The following MAGED2 variants were observed in gnomAD, a reference collection of about 807,000 sequenced individuals.
MAGED2 encodes the protein MAGE family member D2, also known as melanoma-associated antigen D2.
Under a neutral mutation model 41.7 loss-of-function variants are expected in MAGED2, and 6 were observed. The ratio of observed to expected loss-of-function variants is 0.14; its 90% CI spans 0.08 to 0.28. The LOEUF (loss-of-function observed/expected upper bound fraction) is 0.28, where lower values mean the gene tolerates loss of function less well. Among genes scored for constraint, MAGED2 ranks in the 10% least tolerant of loss-of-function variants. The pLI is 1.00. For synonymous variants in MAGED2, 146 were observed against 178.2 expected (o/e 0.82, Z 1.44); for missense variants, 343 against 486.4 (o/e 0.71, Z 2.77).
At position 54,811,109 on chromosome X, in the gene MAGED2, G is replaced by C; in HGVS notation, c.826G>C (p.Val276Leu). The stretch of plus-strand genomic sequence containing the variant: ...GCCTGAAGCACCACCACCTCGGGAT[G>C]TGGCCCTTTTGCAAGGGAGGGTAAG... ...QEPEAPPPRDVALLQGRANDL... is the reference protein window; with the variant it reads ...QEPEAPPPRDLALLQGRANDL... Residue 276 changes from valine to leucine, a missense_variant, in exon 4 of 13, where the codon GTG (valine) becomes CTG (leucine). This residue lies in a region of MAGED2 where 195 missense variants were observed against 221.2 expected (regional missense o/e 0.88). Transcript: ENST00000375068. 1.7e-6 allele frequency: 2 copies of C among 1,196,294 alleles called. No homozygotes were observed. The highest frequency in any genetic ancestry group is 1.1e-6 in the Non-Finnish European group (1 of 886,847).
At chrX:54,812,276 T>TG (rs774944150) in intron 7 of MAGED2, 25 bp downstream of exon 7, 2 of 1,014,326 alleles carry the variant, frequency 2.0e-6, no homozygotes, top group Non-Finnish European at 1.4e-6. Context: ...GGCTGAGGTG[T>TG]GGGGGGCTTC....
At chrX:54,813,679 G>A in intron 10 of MAGED2, 129 bp downstream of exon 10, 1 of 556,855 alleles carries the variant, frequency 1.8e-6, no homozygotes, top group Non-Finnish European at 3.0e-6. Flanking sequence ...ATGTATGCAG[G>A]TGGGATTATT....
At chrX:54,808,623 T>G (rs1602074007) in intron 1 of MAGED2, among the ~76,000 whole-genome samples, 1 of 94,606 alleles carries the variant, frequency 1.1e-5, no homozygotes, top group Non-Finnish European at 2.1e-5. Flanking sequence ...GAGGAGGGGG[T>G]GTAATAGGGA....
At position 54,812,229 on chromosome X, in the gene MAGED2, A is replaced by G. The variant is rs139029259; in HGVS notation, c.1063A>G (p.Thr355Ala). The G allele has an allele frequency of 1.7e-6, 2 of 1,194,876 alleles. No individual in the cohort carries two copies. Among genetic ancestry groups the G allele is most frequent in the African/African-American group, 3.5e-5 (2 of 56,631 alleles). The change falls in exon 7 of 13, where the codon ACT becomes GCT. Residue 355 changes from threonine to alanine, a missense_variant. Thr to Ala is a moderately conservative substitution (Grantham distance 58). This residue lies in a region of MAGED2 where 95 missense variants were observed against 204.8 expected (regional missense o/e 0.46). Transcript: ENST00000375068. The stretch of plus-strand genomic sequence containing the variant: ...CATTCTTCTCAGCACCTTAGAGCCC[A>G]CTGATGCAGGCATACTGGGAACGTA... ...LYILLSTLEP[T>A]DAGILGTTKD...
In MAGED2 at chrX:54,811,318, A is replaced by C. The variant is rs770006492; in HGVS notation, c.910+5A>C. Reference sequence around the variant, plus strand: ...AGATTCCCATCAAGCGCTCGGGTAAAGTCCTACCAATCCTCCCTCTGCCCT... The same window carrying C: ...AGATTCCCATCAAGCGCTCGGGTAACGTCCTACCAATCCTCCCTCTGCCCT... On this transcript the variant is annotated splice_donor_5th_base_variant and intron_variant, in intron 5 of 12. Coordinates refer to ENST00000375068, the MANE Select transcript of MAGED2 (RefSeq NM_177433.3). The C allele has an allele frequency of 8.5e-5, 103 of 1,204,721 alleles. No homozygotes were observed. The highest frequency in any genetic ancestry group is 1.1e-4 in the Non-Finnish European group (102 of 890,000).
chrX:54,809,765 T>C lies in MAGED2; in HGVS notation c.89T>C (p.Leu30Pro). 1 of 1,207,893 alleles carries C rather than the reference T, an allele frequency of 8.3e-7. No individual in the cohort carries two copies. Among genetic ancestry groups the C allele is most frequent in the Non-Finnish European group, 1.1e-6 (1 of 893,708 alleles). The change falls in exon 3 of 13, where the codon CTG (leucine) becomes CCG (proline). Residue 30 changes from leucine to proline, a missense_variant. Physicochemically the swap from Leu to Pro is moderately conservative, Grantham distance 98. Transcript: ENST00000375068. Reference protein sequence around the residue: ...EKDSSSMMQTLLTVTQNVEVP... With the variant: ...EKDSSSMMQTPLTVTQNVEVP... ...GACAGTAGCTCGATGATGCAGACTCTGTTGACAGTGACCCAGAATGTGGAG... is the reference window on the plus strand; with the variant it reads ...GACAGTAGCTCGATGATGCAGACTCCGTTGACAGTGACCCAGAATGTGGAG...
rs1441365927 is a variant in MAGED2 at position 54,813,518 on chromosome X, G to A, written c.1239G>A (p.Lys413=). ...GIHHSLFGDV[K]KLITDEFVKQ... The stretch of plus-strand genomic sequence containing the variant: ...ATCATTCACTCTTTGGGGACGTGAA[G>A]AAGCTCATCACTGATGAGTTTGTGA... Residue 413 remains lysine, a synonymous_variant, in exon 10 of 13, where the codon AAG becomes AAA. Coordinates refer to ENST00000375068, the MANE Select transcript of MAGED2 (RefSeq NM_177433.3). 35 of 1,207,343 alleles carry A rather than the reference G, an allele frequency of 2.9e-5. No individual in the cohort carries two copies. The highest frequency in any genetic ancestry group is 1.2e-4 in the African/African-American group (7 of 57,155).
At chrX:54,815,223 C>G (rs1322228183) in intron 11 of MAGED2, 25 bp from the exon 12 acceptor site, 5 of 1,139,876 alleles carry the variant, frequency 4.4e-6, no homozygotes, top group Non-Finnish European at 5.8e-6. Flanking sequence ...CTCTATGCTC[C>G]TTCTGATGGT....
chrX:54,809,483 A>G, intron 2 of MAGED2, 107 bp downstream of exon 2: 1 of 926,800 alleles, frequency 1.1e-6, no homozygotes, highest in Non-Finnish European at 1.6e-6. Context: ...TTCTCCACCT[A>G]CTTTCCTGCC....
At chrX:54,808,901 G>C (rs1929703869) in intron 1 of MAGED2, among the ~76,000 whole-genome samples, 1 of 112,652 alleles carries the variant, frequency 8.9e-6, no homozygotes, top group Non-Finnish European at 1.9e-5. Context: ...GGGGCGTGTT[G>C]AGAAGGGCCA....
chrX:54,814,423 C>T (rs367886626), intron 10 of MAGED2: 83 of 515,505 alleles, frequency 1.6e-4, no homozygotes, highest in Non-Finnish European at 2.6e-4. Context: ...TTACAACACA[C>T]CCAACAGGAA....
At chrX:54,812,655 A>C (rs1055586718) in intron 7 of MAGED2, among the ~76,000 whole-genome samples, 2 of 111,369 alleles carry the variant, frequency 1.8e-5, no homozygotes, top group African/African-American at 6.7e-5. Context: ...TGGGACAGAA[A>C]GAAGGGACTC....
chrX:54,809,201 T>G, intron 1 of MAGED2, 102 bp from the exon 2 acceptor site: 15 of 550,777 alleles, frequency 2.7e-5, no homozygotes, highest in East Asian at 3.6e-5. Context: ...GTGGAGGGGG[T>G]TGGAATTGGG....
At chrX:54,810,644 A>T (rs1351809598) in intron 3 of MAGED2, among the ~76,000 whole-genome samples, 177 bp from the exon 4 acceptor site, 1 of 112,026 alleles carries the variant, frequency 8.9e-6, no homozygotes, top group Non-Finnish European at 1.9e-5. Context: ...TAGGCAGATG[A>T]AACACCTGCT....
intron 1 of MAGED2, among the ~76,000 whole-genome samples, chrX:54,808,692 C>T (rs1177719179): frequency 9.1e-6 from 1 of 110,406 alleles, no homozygotes; most frequent in Admixed American, 9.5e-5. Flanking sequence ...AAGGGCGGGG[C>T]CAAGAGACAC....
At chrX:54,809,413 C>T (rs1929726947) in intron 2 of MAGED2, 37 bp downstream of exon 2, 6 of 1,134,589 alleles carry the variant, frequency 5.3e-6, no homozygotes, top group Non-Finnish European at 7.3e-6. Flanking sequence ...AGCTGCTTTT[C>T]CTCTCCAGCC....
chrX:54,812,596 G>A (rs1300179121), intron 7 of MAGED2, among the ~76,000 whole-genome samples: 1 of 112,028 alleles, frequency 8.9e-6, no homozygotes. Context: ...CCTGGTGTGG[G>A]TGGATCAGGA....
At chrX:54,810,287 A>G in intron 3 of MAGED2, 74 bp downstream of exon 3, 1 of 668,539 alleles carries the variant, frequency 1.5e-6, no homozygotes, top group Non-Finnish European at 2.2e-6. Context: ...ACAAACATTT[A>G]GAAAGATCCC....
At chrX:54,808,973 G>C (rs1170402570) in intron 1 of MAGED2, 1 of 296,315 alleles carries the variant, frequency 3.4e-6, no homozygotes, top group African/African-American at 2.7e-5. Context: ...GAAAGGGCTC[G>C]TGCTGGGAAA....
Sources: allele counts gnomAD v4.1 joint callset (sites outside exome capture counted in the v4.1 genomes callset), GRCh38; gene constraint gnomAD v4.1.1; regional missense constraint gnomAD v4.1.1; transcripts MANE v1.5; gene names NCBI Gene and HGNC (gene_info 2026-07-23, HGNC 2026-07-21).